Variants in LIPK observed in about 807,000 individuals in gnomAD.
LIPK encodes the protein lipase member K.
In LIPK, 32 loss-of-function variants were observed where a neutral mutation model predicts 48.6. The ratio of observed to expected loss-of-function variants is 0.66; its 90% CI spans 0.50 to 0.88. The LOEUF (loss-of-function observed/expected upper bound fraction) is 0.88. Ranked by LOEUF, LIPK falls within the 40% of genes least tolerant of loss-of-function variation. The pLI, the probability that LIPK is intolerant of heterozygous loss-of-function variation, is 0.00. For missense variants in LIPK, 507 were observed against 478.5 expected (o/e 1.06, Z -0.56); for synonymous variants, 164 against 157.4 (o/e 1.04, Z -0.32).
Position 88,725,457 on chromosome 10 carries a change from T to C in LIPK, c.105+809T>C, listed in dbSNP as rs562911783. 2.6e-5 allele frequency among the ~76,000 whole-genome samples: 4 copies of C among 152,370 alleles called. No individual in the cohort carries two copies. In the South Asian group the frequency reaches 8.3e-4, roughly 32 times the overall value. On this transcript the variant is annotated intron_variant, in intron 2 of 9. Coordinates refer to ENST00000404190, the MANE Select transcript of LIPK (RefSeq NM_001080518.2). ...CATATTACATATAATCCTCACAATG[T>C]CACAGTCTGTCTCCAGAGCCTGGGC...
intron 7 of LIPK, 83 bp downstream of exon 7, chr10:88,737,864 T>C (rs758710667): frequency 1.4e-6 from 2 of 1,440,382 alleles, no homozygotes; most frequent in Non-Finnish European, 1.9e-6. Flanking sequence ...GTATGGCAAC[T>C]GCAATTCAAG....
intron 1 of LIPK, among the ~76,000 whole-genome samples, chr10:88,720,008 A>G (rs1842192360): frequency 1.3e-5 from 2 of 152,212 alleles, no homozygotes; most frequent in Admixed American, 1.3e-4. Flanking sequence ...TCAAGGCAAT[A>G]TTCTCTTGAA....
At chr10:88,721,492 T>A (rs2134706519) in intron 1 of LIPK, among the ~76,000 whole-genome samples, 1 of 152,340 alleles carries the variant, frequency 6.6e-6, no homozygotes, top group Admixed American at 6.5e-5. Context: ...CATCCTTCTA[T>A]ATCCAGATCC....
intron 2 of LIPK, 79 bp downstream of exon 2, chr10:88,724,727 T>A: frequency 1.0e-6 from 1 of 976,748 alleles, no homozygotes; most frequent in Non-Finnish European, 1.5e-6. Context: ...CTGGTGTGCC[T>A]TCTTAGTTTT....
rs964810482 is a variant in LIPK, at chr10:88,719,245, A to G, written c.-11-5288A>G. The stretch of plus-strand genomic sequence containing the variant: ...CTTTATCATCTTAAGCCAACCCTAC[A>G]CGTAGGTGTTATTATCCTCACCATA... On this transcript the variant is annotated intron_variant, in intron 1 of 9. Coordinates refer to ENST00000404190, the MANE Select transcript of LIPK (RefSeq NM_001080518.2). Among the ~76,000 whole-genome samples, 4 of 152,282 alleles carry G rather than the reference A, an allele frequency of 2.6e-5. No individual in the cohort carries two copies. The East Asian group carries it at 7.7e-4, about 29-fold the overall frequency.
chr10:88,729,520 G>C (rs556749185), intron 3 of LIPK, among the ~76,000 whole-genome samples: 26 of 152,232 alleles, frequency 1.7e-4, no homozygotes, highest in African/African-American at 5.3e-4. Flanking sequence ...GAACTTTTAA[G>C]TCTCTCCAAA....
At position 88,737,907 on chromosome 10, in the gene LIPK, C is replaced by A. The variant is rs776773207; in HGVS notation, c.816+126C>A. The A allele has an allele frequency of 5.3e-5, 51 of 960,870 alleles. 1 individual carries two copies. Among genetic ancestry groups the A allele is most frequent in the Non-Finnish European group, 7.3e-5 (46 of 630,276 alleles). The allele number at this position is 960,870 out of a possible 1,614,324, so 59.5% of individuals were successfully genotyped here. On this transcript the variant is annotated intron_variant, in intron 7 of 9. Transcript: ENST00000404190. The stretch of plus-strand genomic sequence containing the variant: ...TTTTGCATTTGGAATGTAATTAGTA[C>A]ATTTATGGCTTCCAATGAGGGTTGA...
intron 1 of LIPK, among the ~76,000 whole-genome samples, chr10:88,722,889 C>CTTTTTT (rs398014386): frequency 2.1e-4 from 24 of 113,172 alleles, no homozygotes; most frequent in African/African-American, 8.3e-4. Context: ...TTTCTTTTTT[C>CTTTTTT]TTTTTTTTTT....
At chr10:88,729,254 G>GGGGT (rs1348272099) in intron 3 of LIPK, among the ~76,000 whole-genome samples, 4 of 80,830 alleles carry the variant, frequency 4.9e-5, no homozygotes, top group African/African-American at 9.9e-5. Flanking sequence ...CTATCTGTTG[G>GGGGT]GGGGGGGGGG....
chr10:88,732,276 G>A lies in LIPK; in HGVS notation c.521G>A (p.Gly174Asp). The A allele has an allele frequency of 1.2e-6, 2 of 1,613,458 alleles. No individual in the cohort carries two copies. The highest frequency in any genetic ancestry group is 1.1e-5 in the South Asian group (1 of 90,938). Reference sequence around the variant, plus strand: ...CTCTACTACGTGGGCCACTCACAAGGCACCACCATAGGTGTGTTTGGGGCA... The same window carrying A: ...CTCTACTACGTGGGCCACTCACAAGACACCACCATAGGTGTGTTTGGGGCA... ...KRLYYVGHSQ[G>D]TTIAFIAFST... Residue 174 changes from glycine to aspartate, a missense_variant, in exon 5 of 10, where the codon GGC becomes GAC. By Grantham distance (94) the Gly-to-Asp change is moderately conservative. Transcript: ENST00000404190.
intron 7 of LIPK, 76 bp downstream of exon 7, chr10:88,737,857 T>C: frequency 5.5e-6 from 8 of 1,465,194 alleles, no homozygotes; most frequent in South Asian, 1.3e-5. Context: ...CTGGATTGTA[T>C]GGCAACTGCA....
chr10:88,726,952 C>A, intron 3 of LIPK, 40 bp downstream of exon 3: 3 of 1,196,706 alleles, frequency 2.5e-6, no homozygotes, highest in Non-Finnish European at 3.6e-6. Flanking sequence ...ATACTTAAAG[C>A]AGAGGTACTT....
chr10:88,725,141 T>A (rs1842310215), intron 2 of LIPK, among the ~76,000 whole-genome samples: 1 of 152,218 alleles, frequency 6.6e-6, no homozygotes, highest in South Asian at 2.1e-4. Flanking sequence ...ACAGAATTCA[T>A]TCAGATAATA....
intron 6 of LIPK, among the ~76,000 whole-genome samples, chr10:88,737,381 C>G (rs923804572): frequency 1.3e-5 from 2 of 152,148 alleles, no homozygotes; most frequent in East Asian, 3.8e-4. Context: ...ACTCCAAAGT[C>G]TTACTAATTT....
rs754426136 is a variant in LIPK, at chr10:88,724,534, C to T, written c.-10C>T. 2.6e-6 allele frequency: 4 copies of T among 1,567,160 alleles called. No homozygotes were observed. The South Asian group carries it at 4.7e-5, about 18-fold the overall frequency. ...AATATATTAAATTTCCTTTCCTAGG[C>T]AGATCCCAAATGTGGCAGCTTTTAG... On this transcript the variant is annotated splice_region_variant and 5_prime_UTR_variant, in exon 2 of 10. It introduces an in-frame stop codon into an upstream open reading frame of the 5' UTR. Coordinates refer to ENST00000404190, the MANE Select transcript of LIPK (RefSeq NM_001080518.2).
At chr10:88,724,927 G>A (rs1456313905) in intron 2 of LIPK, among the ~76,000 whole-genome samples, 2 of 152,270 alleles carry the variant, frequency 1.3e-5, no homozygotes, top group East Asian at 3.9e-4. Flanking sequence ...TCTCTATAGA[G>A]TACCTTTGAG....
chr10:88,747,951 T>C (rs957392246), intron 9 of LIPK, among the ~76,000 whole-genome samples: 1 of 152,134 alleles, frequency 6.6e-6, no homozygotes, highest in African/African-American at 2.4e-5. Flanking sequence ...TAAAGATACA[T>C]GCACATGTAT....
chr10:88,746,398 T>C (rs1001591260), intron 9 of LIPK, among the ~76,000 whole-genome samples: 1 of 140,216 alleles, frequency 7.1e-6, no homozygotes, highest in Non-Finnish European at 1.6e-5. Flanking sequence ...TCTCAACAAA[T>C]TAAAAAAAAA....
intron 9 of LIPK, among the ~76,000 whole-genome samples, chr10:88,751,133 T>C (rs1842856179): frequency 6.6e-6 from 1 of 152,146 alleles, no homozygotes; most frequent in Admixed American, 6.6e-5. Context: ...TGTCATTCCC[T>C]AGCAAATAGT....
Sources: allele counts gnomAD v4.1 joint callset (sites outside exome capture counted in the v4.1 genomes callset), GRCh38; gene constraint gnomAD v4.1.1; transcripts MANE v1.5; gene names NCBI Gene and HGNC (gene_info 2026-07-23, HGNC 2026-07-21).